The following DLG2 variants were observed in gnomAD, a reference collection of about 807,000 sequenced individuals.
The protein encoded by DLG2 is discs large MAGUK scaffold protein 2, also known as disks large homolog 2.
Under a neutral mutation model 132.5 loss-of-function variants are expected in DLG2, and 45 were observed. The observed-to-expected ratio is 0.34, with a 90% CI of 0.27 to 0.44. DLG2 has a LOEUF of 0.44. Among genes scored for constraint, DLG2 ranks in the 20% least tolerant of loss-of-function variants. The pLI, the probability that DLG2 is intolerant of heterozygous loss-of-function variation, is 1.00. For missense variants in DLG2, 1,045 were observed against 1,196.9 expected (o/e 0.87, Z 1.87); for synonymous variants, 424 against 419.6 (o/e 1.01, Z -0.13).
intron 15 of DLG2, among the ~76,000 whole-genome samples, chr11:83,881,418 C>A (rs1277896592): frequency 2.6e-5 from 4 of 152,136 alleles, no homozygotes; most frequent in Non-Finnish European, 5.9e-5. Context: ...AGCTAACATT[C>A]AGTTATCAAT....
At chr11:83,647,627 G>GA (rs1191198945) in intron 18 of DLG2, 1 of 152,100 alleles carries the variant, frequency 6.6e-6, no homozygotes, top group African/African-American at 2.4e-5. Context: ...TCTCAGCTCT[G>GA]ATGTGTCATT....
intron 6 of DLG2, among the ~76,000 whole-genome samples, chr11:85,086,175 G>A (rs568419022): frequency 6.6e-6 from 1 of 152,082 alleles, no homozygotes; most frequent in East Asian, 1.9e-4. Context: ...ATCTCATTTA[G>A]GCTACAGTGT....
chr11:84,836,539 T>C (rs2079807891), intron 6 of DLG2, among the ~76,000 whole-genome samples: 1 of 151,764 alleles, frequency 6.6e-6, no homozygotes, highest in Non-Finnish European at 1.5e-5. Context: ...ACTCTAACAT[T>C]CCTTATCATT....
chr11:83,717,101 A>G (rs1464006770), intron 18 of DLG2, among the ~76,000 whole-genome samples: 1 of 152,192 alleles, frequency 6.6e-6, no homozygotes, highest in Non-Finnish European at 1.5e-5. Flanking sequence ...AAACTTCTTC[A>G]GTAAATTGGA....
chr11:84,946,286 C>T (rs1366660226), intron 6 of DLG2, among the ~76,000 whole-genome samples: 1 of 152,082 alleles, frequency 6.6e-6, no homozygotes, highest in Non-Finnish European at 1.5e-5. Flanking sequence ...AGAAGGAATC[C>T]CTTCTCCATG....
intron 16 of DLG2, among the ~76,000 whole-genome samples, chr11:83,870,804 G>A (rs751744583): frequency 5.3e-5 from 8 of 152,112 alleles, no homozygotes; most frequent in Non-Finnish European, 1.0e-4. Context: ...TGAGTTTTCC[G>A]GGTTTGGCTA....
intron 6 of DLG2, among the ~76,000 whole-genome samples, chr11:84,624,972 C>T (rs1178145024): frequency 6.9e-6 from 1 of 145,472 alleles, no homozygotes; most frequent in East Asian, 2.0e-4. Context: ...ATTCTCCTGC[C>T]TCAGCCTCCT....
At chr11:84,820,396 C>T (rs188236754) in intron 6 of DLG2, among the ~76,000 whole-genome samples, 8 of 151,858 alleles carry the variant, frequency 5.3e-5, no homozygotes, top group African/African-American at 1.9e-4. Flanking sequence ...TTCTACATTG[C>T]TGCTGGAGTG....
At chr11:84,184,511 T>C (rs2154283138) in intron 8 of DLG2, among the ~76,000 whole-genome samples, 1 of 151,608 alleles carries the variant, frequency 6.6e-6, no homozygotes, top group South Asian at 2.1e-4. Flanking sequence ...TTTCTCCCAT[T>C]CTGTAGGTTG....
intron 10 of DLG2, among the ~76,000 whole-genome samples, chr11:84,081,594 T>C (rs1396984555): frequency 2.6e-5 from 4 of 152,194 alleles, no homozygotes; most frequent in Non-Finnish European, 1.5e-5. Flanking sequence ...TGTGTCCTTG[T>C]GATAGTTTGC....
chr11:83,469,272 T>C lies in DLG2; in HGVS notation c.2548A>G (p.Ile850Val). ...MEKDIQEHKF[I>V]EAGQYNDNLY... Reference sequence around the variant, plus strand: ...TTGTCATTGTACTGGCCGGCTTCTATAAACTTGTGCTCTTGGATATCTTTC... The same window carrying C: ...TTGTCATTGTACTGGCCGGCTTCTACAAACTTGTGCTCTTGGATATCTTTC... Residue 850 changes from isoleucine (I) to valine (V), a missense_variant, in exon 25 of 28, where the codon ATA becomes GTA. By Grantham distance (29) the Ile-to-Val change is conservative. Coordinates refer to ENST00000376104, the MANE Select transcript of DLG2 (RefSeq NM_001142699.3). 1 of 1,613,904 alleles carries C rather than the reference T, an allele frequency of 6.2e-7. No homozygotes were observed. Among genetic ancestry groups the C allele is most frequent in the Non-Finnish European group, 8.5e-7 (1 of 1,179,868 alleles).
chr11:85,264,760 G>T (rs187346668), intron 4 of DLG2, among the ~76,000 whole-genome samples: 163 of 152,262 alleles, frequency 1.1e-3, no homozygotes, highest in Non-Finnish European at 2.1e-3. Flanking sequence ...ATCAGTATTT[G>T]CCCCCAGGGG....
Position 83,537,807 on chromosome 11 carries a change from C to CAAAAAAAAAAA in DLG2, c.2117+3864_2117+3874dup, listed in dbSNP as rs1164386994. ...AGGCAACGAAAGTGAGACTCTGTCT[C>CAAAAAAAAAAA]AAAAAAAAAAAAAAAAAAAAAAAAA... On this transcript the variant is annotated intron_variant, in intron 20 of 27. Coordinates refer to ENST00000376104, the MANE Select transcript of DLG2 (RefSeq NM_001142699.3). Among the ~76,000 whole-genome samples the CAAAAAAAAAAA allele has an allele frequency of 1.1e-4, 2 of 18,298 alleles. 1 individual carries two copies. Among genetic ancestry groups the CAAAAAAAAAAA allele is most frequent in the Non-Finnish European group, 2.1e-4 (2 of 9,754 alleles). 12.0% of individuals were successfully genotyped at this position (18,298 alleles called of 152,430 possible).
intron 6 of DLG2, among the ~76,000 whole-genome samples, chr11:84,842,333 A>G (rs1311479993): frequency 6.6e-6 from 1 of 152,012 alleles, no homozygotes; most frequent in Non-Finnish European, 1.5e-5. Context: ...AGATTCAAGT[A>G]ATTTATCCAG....
chr11:85,314,227 T>C (rs2080497654), intron 3 of DLG2, among the ~76,000 whole-genome samples: 1 of 151,980 alleles, frequency 6.6e-6, no homozygotes, highest in South Asian at 2.1e-4. Context: ...AGTAATTAAC[T>C]GTTTCCTTTT....
chr11:85,357,509 G>A (rs1258790647), intron 3 of DLG2, among the ~76,000 whole-genome samples: 1 of 145,800 alleles, frequency 6.9e-6, no homozygotes, highest in African/African-American at 2.6e-5. Flanking sequence ...GTTGGAGGTG[G>A]CACTGTTGTA....
chr11:83,847,942 C>T (rs898477634), intron 16 of DLG2, among the ~76,000 whole-genome samples: 1 of 152,066 alleles, frequency 6.6e-6, no homozygotes, highest in South Asian at 2.1e-4. Context: ...TCTGTTTGCC[C>T]AATATCGTAG....
At chr11:83,884,575 C>G (rs1288026540) in intron 15 of DLG2, among the ~76,000 whole-genome samples, 1 of 152,194 alleles carries the variant, frequency 6.6e-6, no homozygotes, top group Non-Finnish European at 1.5e-5. Flanking sequence ...CCCTGTCGGA[C>G]AGCTTTGAAG....
At chr11:83,748,361 C>T (rs925657518) in intron 18 of DLG2, among the ~76,000 whole-genome samples, 4 of 152,184 alleles carry the variant, frequency 2.6e-5, no homozygotes, top group Non-Finnish European at 5.9e-5. Flanking sequence ...ACATTTTCAT[C>T]TGCAACTTTC....
Sources: allele counts gnomAD v4.1 joint callset (sites outside exome capture counted in the v4.1 genomes callset), GRCh38; gene constraint gnomAD v4.1.1; transcripts MANE v1.5; gene names NCBI Gene and HGNC (gene_info 2026-07-23, HGNC 2026-07-21).